The following PTPRR variants were observed in gnomAD, a reference collection of about 807,000 sequenced individuals.
The protein encoded by PTPRR is protein tyrosine phosphatase receptor type R, also known as receptor-type tyrosine-protein phosphatase R.
A neutral mutation model predicts 77.2 loss-of-function variants in PTPRR; 38 were observed. The observed-to-expected ratio is 0.49, with a 90% CI of 0.38 to 0.65. The LOEUF (loss-of-function observed/expected upper bound fraction) is 0.65, where lower values mean the gene tolerates loss of function less well. Among genes scored for constraint, PTPRR ranks in the 30% least tolerant of loss-of-function variants. The pLI is 0.00. For missense variants in PTPRR, 744 were observed against 799.2 expected, an observed-to-expected ratio of 0.93 and a Z score of 0.83; for synonymous variants, 299 against 283.1, an observed-to-expected ratio of 1.06 and a Z score of -0.57.
chr12:70,779,369 G>T (rs1057091957), intron 2 of PTPRR, among the ~76,000 whole-genome samples: 1 of 151,916 alleles, frequency 6.6e-6, no homozygotes, highest in African/African-American at 2.4e-5. Flanking sequence ...AGCCAGCTAT[G>T]CTCATTTTTA....
intron 10 of PTPRR, among the ~76,000 whole-genome samples, chr12:70,683,069 C>T (rs1311591466): frequency 6.6e-6 from 1 of 152,022 alleles, no homozygotes; most frequent in Non-Finnish European, 1.5e-5. Flanking sequence ...ATAAGAAAAT[C>T]ACAAACTTTA....
intron 11 of PTPRR, 171 bp from the exon 12 acceptor site, chr12:70,661,268 T>C (rs114440693): frequency 0.017 from 13,385 of 775,782 alleles, 211 homozygotes; most frequent in Admixed American, 0.043. Context: ...GAGAAGACTT[T>C]ACTGTCAGTA....
intron 2 of PTPRR, among the ~76,000 whole-genome samples, chr12:70,796,426 G>A (rs1230574161): frequency 6.6e-6 from 1 of 151,938 alleles, no homozygotes; most frequent in African/African-American, 2.4e-5. Flanking sequence ...GTGCCAATTA[G>A]CACCTTTAAG....
At chr12:70,639,574 G>A in intron 13 of PTPRR, 2 of 1,047,532 alleles carry the variant, frequency 1.9e-6, no homozygotes, top group South Asian at 3.0e-5. Context: ...CTTGGATTTG[G>A]CATCAGCCAA....
intron 13 of PTPRR, among the ~76,000 whole-genome samples, chr12:70,642,426 TTG>T (rs1229052696): frequency 1.3e-5 from 2 of 152,232 alleles, no homozygotes; most frequent in Non-Finnish European, 2.9e-5. Context: ...ACTCCCAGCG[TTG>T]TGTCTCCCAG....
At chr12:70,817,002 G>A (rs1891914754) in intron 2 of PTPRR, among the ~76,000 whole-genome samples, 1 of 152,052 alleles carries the variant, frequency 6.6e-6, no homozygotes, top group African/African-American at 2.4e-5. Flanking sequence ...ATCTCATCCT[G>A]TTAATGTCTC....
intron 6 of PTPRR, among the ~76,000 whole-genome samples, chr12:70,708,276 T>C (rs1442539443): frequency 6.6e-6 from 1 of 152,090 alleles, no homozygotes; most frequent in Non-Finnish European, 1.5e-5. Flanking sequence ...TAGTTGCAAA[T>C]GAATTGGTTA....
rs576073700 is a variant in PTPRR, at chr12:70,667,740, C to T, written c.1498-5135G>A. On this transcript the variant is annotated intron_variant, in intron 10 of 13. Coordinates refer to ENST00000283228, the MANE Select transcript of PTPRR (RefSeq NM_002849.4). ...TGACCAGCGACAGCATTCATAATAT[C>T]TAATTCTGATCCTCCAAAGGAAAGC... 3.9e-5 allele frequency among the ~76,000 whole-genome samples: 6 copies of T among 152,182 alleles called. No homozygotes were observed. In the South Asian group the frequency reaches 1.2e-3, roughly 32 times the overall value.
At chr12:70,759,828 A>G (rs768283754) in intron 4 of PTPRR, among the ~76,000 whole-genome samples, 2 of 152,178 alleles carry the variant, frequency 1.3e-5, no homozygotes, top group Non-Finnish European at 2.9e-5. Context: ...AGTGTTGTTC[A>G]ACAATTATAA....
intron 1 of PTPRR, among the ~76,000 whole-genome samples, chr12:70,918,535 G>A (rs1444359910): frequency 6.6e-6 from 1 of 152,222 alleles, no homozygotes; most frequent in East Asian, 1.9e-4. Context: ...AGGGCTACAG[G>A]CTTCTAGGTT....
chr12:70,816,551 G>T lies in PTPRR; in HGVS notation c.358-51773C>A, dbSNP rs186290351. ...TTGGCTCCTTAAAATTTTATTTTTG[G>T]TAAGTTTTATAATAAACATGTAATA... On this transcript the variant is annotated intron_variant, in intron 2 of 13. Transcript: ENST00000283228. 1.7e-3 allele frequency among the ~76,000 whole-genome samples: 255 copies of T among 151,560 alleles called. 10 individuals carry two copies. Among genetic ancestry groups the T allele is most frequent in the Non-Finnish European group, 1.6e-4 (11 of 67,774 alleles).
At chr12:70,867,194 A>G (rs1592802588) in intron 2 of PTPRR, among the ~76,000 whole-genome samples, 3 of 151,944 alleles carry the variant, frequency 2.0e-5, no homozygotes, top group Middle Eastern at 3.4e-3. Context: ...GGCCAGGGCA[A>G]TTAGGCAGGA....
chr12:70,705,582 A>C (rs1888590078), intron 6 of PTPRR, among the ~76,000 whole-genome samples: 1 of 152,206 alleles, frequency 6.6e-6, no homozygotes, highest in South Asian at 2.1e-4. Flanking sequence ...AAACTGTTGG[A>C]TTATGAAATT....
At chr12:70,901,307 C>T (rs1161286080) in intron 1 of PTPRR, among the ~76,000 whole-genome samples, 2 of 151,450 alleles carry the variant, frequency 1.3e-5, no homozygotes, top group Non-Finnish European at 3.0e-5. Flanking sequence ...TGCACTCCTA[C>T]GTTCACTGAA....
intron 10 of PTPRR, chr12:70,671,798 T>C (rs1017349720): frequency 5.5e-6 from 3 of 548,796 alleles, no homozygotes; most frequent in African/African-American, 3.8e-5. Context: ...GGCTGCTGCA[T>C]GCAGTTCCCC....
chr12:70,895,388 TAAATGCATGCTA>T (rs2137120126), intron 1 of PTPRR, among the ~76,000 whole-genome samples: 1 of 151,656 alleles, frequency 6.6e-6, no homozygotes, highest in Non-Finnish European at 1.5e-5. Context: ...GTCCAGTTAA[TAAATGCATGCTA>T]AAATTGGCCT....
Position 70,666,935 on chromosome 12 carries a change from G to GTTTTTTTTTTTTTTTTTT in PTPRR, c.1498-4348_1498-4331dup, listed in dbSNP as rs142691396. Reference sequence around the variant, plus strand: ...TTTTTGATTAACTGTGTGTTTTTCTGTTTTTTTTTTTTTTTTTTTTTTTTT... The same window carrying GTTTTTTTTTTTTTTTTTT: ...TTTTTGATTAACTGTGTGTTTTTCTGTTTTTTTTTTTTTTTTTTTTTTTTTTTTTTTTTTTTTTTTTTT... On this transcript the variant is annotated intron_variant, in intron 10 of 13. Transcript: ENST00000283228. 1.0e-4 allele frequency among the ~76,000 whole-genome samples: 3 copies of GTTTTTTTTTTTTTTTTTT among 29,050 alleles called. 1 individual carries two copies. Among genetic ancestry groups the GTTTTTTTTTTTTTTTTTT allele is most frequent in the Non-Finnish European group, 9.2e-5 (1 of 10,902 alleles). 19.1% of individuals were successfully genotyped at this position (29,050 alleles called of 152,430 possible).
chr12:70,669,641 C>T (rs9668557), intron 10 of PTPRR, among the ~76,000 whole-genome samples: 59,343 of 151,268 alleles, frequency 0.39, 14,240 homozygotes, highest in African/African-American at 0.66. Context: ...CATAGCTTAC[C>T]GCATCCTCAA....
Position 70,896,736 on chromosome 12 carries a change from C to T in PTPRR, c.59-3759G>A, listed in dbSNP as rs541481562. 2.9e-3 allele frequency among the ~76,000 whole-genome samples: 442 copies of T among 151,560 alleles called. 1 individual carries two copies. The highest frequency in any genetic ancestry group is 0.02 in the South Asian group (95 of 4,822). On this transcript the variant is annotated intron_variant, in intron 1 of 13. Coordinates refer to ENST00000283228, the MANE Select transcript of PTPRR (RefSeq NM_002849.4). ...CCTAGGTTTTCTTCTAGGGTTTTTA[C>T]GGTTTTAGGTCTAACATGTAAGTCT...
Sources: gnomAD v4.1 joint callset for allele counts (sites outside exome capture counted in the v4.1 genomes callset) on GRCh38, gnomAD v4.1.1 for gene constraint, MANE v1.5 for transcripts, NCBI Gene and HGNC (gene_info 2026-07-23, HGNC 2026-07-21) for gene names.